Variants in LUZP1 observed in about 807,000 individuals in gnomAD.
LUZP1 encodes the protein leucine zipper protein 1.
Under a neutral mutation model 71.3 loss-of-function variants are expected in LUZP1, and 25 were observed. That is an observed-to-expected ratio of 0.35 (90% confidence interval 0.26 to 0.49). The LOEUF (loss-of-function observed/expected upper bound fraction) is 0.49, where lower values mean the gene tolerates loss of function less well. LUZP1 is among the 20% of genes least tolerant of loss of function. The pLI is 0.99. For synonymous variants in LUZP1, 481 were observed against 506.4 expected (o/e 0.95, Z 0.67); for missense variants, 1,142 against 1,300.8 (o/e 0.88, Z 1.88).
intron 2 of LUZP1, among the ~76,000 whole-genome samples, chr1:23,131,364 C>A (rs941762854): frequency 1.3e-5 from 2 of 152,002 alleles, no homozygotes; most frequent in African/African-American, 4.8e-5. Flanking sequence ...AGCTGACAAT[C>A]CTAGCTAAAG....
chr1:23,133,384 T>C (rs1409721320), intron 2 of LUZP1: 1 of 152,172 alleles, frequency 6.6e-6, no homozygotes, highest in Admixed American at 6.5e-5. Flanking sequence ...GAAAATAGGA[T>C]ATTTATACTC....
chr1:23,116,608 G>GA (rs1427703990), intron 2 of LUZP1, among the ~76,000 whole-genome samples: 1 of 150,520 alleles, frequency 6.6e-6, no homozygotes, highest in Non-Finnish European at 1.5e-5. Flanking sequence ...GCAAAGAGAA[G>GA]AAAAAAGAGA....
exon 4 of LUZP1, chr1:23,092,992 G>A: frequency 6.2e-7 from 1 of 1,614,112 alleles, no homozygotes; most frequent in East Asian, 2.2e-5. Flanking sequence ...GTGAAACTGG[G>A]AGAAGAAACC....
chr1:23,087,558 G>C (rs556027910), exon 5 of LUZP1: 1 of 152,728 alleles, frequency 6.5e-6, no homozygotes, highest in Non-Finnish European at 1.5e-5. Context: ...GTAGTTTAAT[G>C]TTCTCTCATT....
intron 2 of LUZP1, among the ~76,000 whole-genome samples, chr1:23,129,856 A>T (rs1188100762): frequency 6.6e-6 from 1 of 152,236 alleles, no homozygotes; most frequent in Non-Finnish European, 1.5e-5. Context: ...ATGGCATTGT[A>T]TATCTGCCAG....
intron 2 of LUZP1, among the ~76,000 whole-genome samples, chr1:23,158,521 C>A (rs1644438304): frequency 6.6e-6 from 1 of 151,914 alleles, no homozygotes; most frequent in Non-Finnish European, 1.5e-5. Flanking sequence ...GTGGCAGGCG[C>A]CTGTAATCCC....
At chr1:23,115,388 C>T (rs1312805616) in intron 2 of LUZP1, among the ~76,000 whole-genome samples, 1 of 152,174 alleles carries the variant, frequency 6.6e-6, no homozygotes, top group African/African-American at 2.4e-5. Context: ...GCCAAAGAAA[C>T]CTTACCAAAG....
exon 5 of LUZP1, chr1:23,087,721 T>G (rs556747369): frequency 1.3e-5 from 2 of 152,760 alleles, no homozygotes; most frequent in South Asian, 4.1e-4. Context: ...ACCAATTTAT[T>G]TACGTGGCTT....
chr1:23,144,300 C>T (rs1644326474), intron 2 of LUZP1, among the ~76,000 whole-genome samples: 1 of 151,724 alleles, frequency 6.6e-6, no homozygotes, highest in Admixed American at 6.6e-5. Flanking sequence ...TCTTGCAGTA[C>T]ATACTGCAGC....
intron 2 of LUZP1, among the ~76,000 whole-genome samples, chr1:23,122,546 G>A (rs779401625): frequency 3.3e-5 from 5 of 152,150 alleles, no homozygotes; most frequent in Non-Finnish European, 2.9e-5. Context: ...GTTAAGCCAG[G>A]CAGTACTAAA....
chr1:23,165,809 A>G (rs1644505128), intron 2 of LUZP1, among the ~76,000 whole-genome samples: 1 of 152,164 alleles, frequency 6.6e-6, no homozygotes, highest in Non-Finnish European at 1.5e-5. Flanking sequence ...TGTCCCTAAA[A>G]GCTGTATTAC....
At chr1:23,097,669 TA>T (rs34496369) in intron 3 of LUZP1, among the ~76,000 whole-genome samples, 2 of 151,904 alleles carry the variant, frequency 1.3e-5, no homozygotes, top group African/African-American at 2.4e-5. Context: ...CCCGTCTCTA[TA>T]AAAAAAGGTA....
intron 2 of LUZP1, among the ~76,000 whole-genome samples, chr1:23,149,153 T>A (rs905554723): frequency 9.3e-5 from 11 of 117,922 alleles, no homozygotes; most frequent in African/African-American, 3.0e-4. Context: ...GAAAACAACA[T>A]AAGACTTTTT....
intron 2 of LUZP1, among the ~76,000 whole-genome samples, chr1:23,132,570 T>C (rs979796429): frequency 6.6e-6 from 1 of 151,662 alleles, no homozygotes; most frequent in Non-Finnish European, 1.5e-5. Flanking sequence ...CATCTGAATA[T>C]GGGCTGATAA....
At chr1:23,123,916 A>C (rs1370823531) in intron 2 of LUZP1, among the ~76,000 whole-genome samples, 1 of 152,192 alleles carries the variant, frequency 6.6e-6, no homozygotes, top group East Asian at 1.9e-4. Flanking sequence ...TCCAACTTTC[A>C]AAGTAGTCTT....
chr1:23,142,718 C>T (rs1183578558), intron 2 of LUZP1, among the ~76,000 whole-genome samples: 58 of 65,736 alleles, frequency 8.8e-4, no homozygotes, highest in Middle Eastern at 9.8e-3. Context: ...CACACACACA[C>T]ACACACACAC....
At chr1:23,085,628 C>T (rs1366857946) in exon 5 of LUZP1, 1 of 152,296 alleles carries the variant, frequency 6.6e-6, no homozygotes, top group Non-Finnish European at 1.5e-5. Flanking sequence ...CCCAGGACGA[C>T]AAGTCCAAGA....
Position 23,147,078 on chromosome 1 carries a change from CAG to C in LUZP1, c.-226+21686_-226+21687del, listed in dbSNP as rs1364674040. ...CGCCACCGCACTCCAGCCTGGGTGA[CAG>C]AGTGAGACTCCGTCTCAAAAATAAT... On this transcript the variant is annotated intron_variant, in intron 2 of 4. Coordinates refer to ENST00000302291, the Ensembl canonical transcript of LUZP1. Among the ~76,000 whole-genome samples, 3 of 148,016 alleles carry C rather than the reference CAG, an allele frequency of 2.0e-5. No homozygotes were observed. In the South Asian group the frequency reaches 6.5e-4, roughly 32 times the overall value.
chr1:23,175,415 T>C (rs1318658294), intron 1 of LUZP1, among the ~76,000 whole-genome samples: 3 of 152,214 alleles, frequency 2.0e-5, no homozygotes, highest in African/African-American at 7.2e-5. Flanking sequence ...TCTCAGCTCT[T>C]CAGGGACTAG....
Sources: allele counts gnomAD v4.1 joint callset (sites outside exome capture counted in the v4.1 genomes callset), GRCh38; gene constraint gnomAD v4.1.1; transcripts MANE v1.5; gene names NCBI Gene and HGNC (gene_info 2026-07-23, HGNC 2026-07-21).